The following CDH4 variants were observed in gnomAD, a reference collection of about 807,000 sequenced individuals.
CDH4 encodes the protein cadherin-4.
A neutral mutation model predicts 86.0 loss-of-function variants in CDH4; 33 were observed. The observed-to-expected ratio is 0.38, with a 90% CI of 0.29 to 0.51. CDH4 has a LOEUF of 0.51. Ranked by LOEUF, CDH4 falls within the 20% of genes least tolerant of loss-of-function variation. The probability of loss-of-function intolerance (pLI) is 0.86; values close to 1 mark genes in which losing one functional copy is unlikely to be tolerated. For missense variants in CDH4, 1,114 were observed against 1,307.4 expected (o/e 0.85, Z 2.28); for synonymous variants, 555 against 549.4 (o/e 1.01, Z -0.14).
chr20:61,737,331 T>G (rs6121796), intron 2 of CDH4, among the ~76,000 whole-genome samples: 85,634 of 151,920 alleles, frequency 0.56, 24,399 homozygotes, highest in East Asian at 0.7. Flanking sequence ...AACCTCAGAA[T>G]CTGTTGACCC....
At chr20:61,895,974 T>C (rs763690244) in intron 8 of CDH4, among the ~76,000 whole-genome samples, 4 of 152,158 alleles carry the variant, frequency 2.6e-5, no homozygotes, top group Non-Finnish European at 5.9e-5. Context: ...CAGCGAGGGC[T>C]CCCAGAGTGG....
chr20:61,434,601 G>A (rs940323510), intron 2 of CDH4: 1 of 152,162 alleles, frequency 6.6e-6, no homozygotes, highest in African/African-American at 2.4e-5. Context: ...CTCTGGTCCT[G>A]GGAGCAAGTA....
At chr20:61,438,108 AC>A (rs2085295266) in intron 2 of CDH4, among the ~76,000 whole-genome samples, 1 of 152,110 alleles carries the variant, frequency 6.6e-6, no homozygotes, top group Non-Finnish European at 1.5e-5. Flanking sequence ...GCCACCCTGA[AC>A]CCTGCTACAA....
Position 61,829,918 on chromosome 20 carries a change from C to G in CDH4, c.577-14750C>G, listed in dbSNP as rs1463020811. ...GGGACGAGGCTCCTGCCCGGCCGGC[C>G]CTGGGGCTGGGAGGCAGGTGTGGGA... On this transcript the variant is annotated intron_variant, in intron 4 of 15. Transcript: ENST00000614565. This position sits in a 1 kb window ranked among gnomAD's most constrained non-coding sequence, Gnocchi z 4.2. 6.6e-6 allele frequency among the ~76,000 whole-genome samples: 1 copy of G among 152,054 alleles called. No individual in the cohort carries two copies. The highest frequency in any genetic ancestry group is 1.5e-5 in the Non-Finnish European group (1 of 67,990).
intron 4 of CDH4, among the ~76,000 whole-genome samples, chr20:61,839,543 TTG>T (rs200552936): frequency 0.45 from 67,402 of 150,658 alleles, 17,189 homozygotes; most frequent in Non-Finnish European, 0.59. Context: ...TGTATGTGTA[TTG>T]TGTGTGTTGT....
chr20:61,792,640 G>C (rs949432090), intron 4 of CDH4, among the ~76,000 whole-genome samples: 1 of 150,994 alleles, frequency 6.6e-6, no homozygotes, highest in Non-Finnish European at 1.5e-5. Flanking sequence ...AGATGATGCT[G>C]TGTGTGTGTG....
chr20:61,371,554 G>C (rs2084840542), intron 2 of CDH4, among the ~76,000 whole-genome samples: 1 of 152,232 alleles, frequency 6.6e-6, no homozygotes, highest in Admixed American at 6.5e-5. Flanking sequence ...TTTTCTTCCT[G>C]TGGCTTCTCA....
At chr20:61,643,537 G>A (rs907926362) in intron 2 of CDH4, among the ~76,000 whole-genome samples, 1 of 152,248 alleles carries the variant, frequency 6.6e-6, no homozygotes, top group African/African-American at 2.4e-5. Context: ...TGCCCTGAGT[G>A]TGTCAGGGGA....
chr20:61,524,478 G>A lies in CDH4; in HGVS notation c.170-219085G>A, dbSNP rs148801101. On this transcript the variant is annotated intron_variant, in intron 2 of 15. Transcript: ENST00000614565. ...TCTGCACTAATTTTGCAACTTCTATGAATATTACACTTTTTTTTTTTTTTA... is the reference window on the plus strand; with the variant it reads ...TCTGCACTAATTTTGCAACTTCTATAAATATTACACTTTTTTTTTTTTTTA... Among the ~76,000 whole-genome samples the A allele has an allele frequency of 2.1e-3, 319 of 150,552 alleles. 1 individual carries two copies. The highest frequency in any genetic ancestry group is 5.7e-3 in the South Asian group (27 of 4,776).
At chr20:61,500,863 C>T (rs1170267777) in intron 2 of CDH4, among the ~76,000 whole-genome samples, 1 of 152,230 alleles carries the variant, frequency 6.6e-6, no homozygotes, top group African/African-American at 2.4e-5. Flanking sequence ...ATCCAGCCCC[C>T]AGTGCAGGCA....
chr20:61,789,019 G>C (rs1361049318), intron 4 of CDH4, among the ~76,000 whole-genome samples: 1 of 152,210 alleles, frequency 6.6e-6, no homozygotes, highest in African/African-American at 2.4e-5. Flanking sequence ...CGGGGCCCTA[G>C]CATCAAGCTG....
At chr20:61,294,950 C>A (rs569142465) in intron 2 of CDH4, among the ~76,000 whole-genome samples, 2 of 152,324 alleles carry the variant, frequency 1.3e-5, no homozygotes, top group South Asian at 4.1e-4. Context: ...GGCCTCTGCC[C>A]CAAAAACACG....
intron 2 of CDH4, among the ~76,000 whole-genome samples, chr20:61,403,154 C>T (rs778449972): frequency 1.3e-5 from 2 of 152,212 alleles, no homozygotes; most frequent in African/African-American, 2.4e-5. Flanking sequence ...CCAGCAGCCA[C>T]CTTGGACCAT....
At chr20:61,771,449 C>A (rs1047802019) in intron 3 of CDH4, among the ~76,000 whole-genome samples, 1 of 151,844 alleles carries the variant, frequency 6.6e-6, no homozygotes, top group Non-Finnish European at 1.5e-5. Flanking sequence ...CATGGCAAAA[C>A]CCCATCTCTA....
At chr20:61,551,520 C>T (rs1340098235) in intron 2 of CDH4, among the ~76,000 whole-genome samples, 1 of 152,224 alleles carries the variant, frequency 6.6e-6, no homozygotes, top group Non-Finnish European at 1.5e-5. Context: ...GGGGCAGCCA[C>T]TCTCCTGGCC....
rs553647924 is a variant in CDH4 at position 61,350,065 on chromosome 20, A to G, written c.169+95128A>G. ...CCCTCCAGTGCCACAAGGCCAGCGG[A>G]ATACCTCTGACCTTGCCTCTCCCAC... On this transcript the variant is annotated intron_variant, in intron 2 of 15. Transcript: ENST00000614565. Among the ~76,000 whole-genome samples the G allele has an allele frequency of 4.1e-3, 622 of 150,664 alleles. 2 individuals are homozygous for G. The highest frequency in any genetic ancestry group is 0.014 in the African/African-American group (563 of 40,608).
chr20:61,839,518 G>A (rs1230510067), intron 4 of CDH4, among the ~76,000 whole-genome samples: 1 of 116,442 alleles, frequency 8.6e-6, no homozygotes, highest in Non-Finnish European at 2.2e-5. Flanking sequence ...TGTGTGTTGT[G>A]TGTATGTGTG....
At chr20:61,724,996 C>T (rs1216234772) in intron 2 of CDH4, among the ~76,000 whole-genome samples, 2 of 152,136 alleles carry the variant, frequency 1.3e-5, no homozygotes, top group Admixed American at 6.5e-5. Flanking sequence ...TCCGTGGTCC[C>T]GGCTACATAG....
chr20:61,689,518 G>A (rs1316675151), intron 2 of CDH4, among the ~76,000 whole-genome samples: 7 of 109,048 alleles, frequency 6.4e-5, no homozygotes. Context: ...ATCGGGCTGG[G>A]ACAGTGGTTG....
Sources: allele counts gnomAD v4.1 joint callset (sites outside exome capture counted in the v4.1 genomes callset), GRCh38; gene constraint gnomAD v4.1.1; non-coding constraint Gnocchi (gnomAD v3.1); transcripts MANE v1.5; gene names NCBI Gene and HGNC (gene_info 2026-07-23, HGNC 2026-07-21).